The following NLRP11 variants were observed in gnomAD, a reference collection of about 807,000 sequenced individuals.
NLRP11 encodes the protein NLR family pyrin domain containing 11.
Under a neutral mutation model 79.3 loss-of-function variants are expected in NLRP11, and 53 were observed. That is an observed-to-expected ratio of 0.67 (90% CI 0.54 to 0.84). The LOEUF is 0.84. NLRP11 is among the 40% of genes least tolerant of loss of function. The pLI, the probability that NLRP11 is intolerant of heterozygous loss-of-function variation, is 0.00. For missense variants in NLRP11, 1,264 were observed against 1,255.0 expected, an observed-to-expected ratio of 1.01 and a Z score of -0.11; for synonymous variants, 518 against 462.6, an observed-to-expected ratio of 1.12 and a Z score of -1.54.
intron 7 of NLRP11, among the ~76,000 whole-genome samples, chr19:55,789,879 G>A (rs1040325200): frequency 3.9e-5 from 6 of 152,134 alleles, no homozygotes; most frequent in African/African-American, 7.2e-5. Context: ...ACGTACTCAC[G>A]ATTGTCCGTG....
chr19:55,809,514 G>C lies in NLRP11; in HGVS notation c.1096C>G (p.Pro366Ala). ...AGAAAGTGGGCATGTAGATCAGTGG[G>C]TGTTTGGCAGCAGAGCTGGAAGTCA... Residue 366 changes from proline (P) to alanine (A), a missense_variant, in exon 3 of 10, where the codon CCC (proline) becomes GCC (alanine). Physicochemically the swap from Pro to Ala is conservative, Grantham distance 27. Transcript: ENST00000589093. The surrounding 1 kb of genome is among the most constrained non-coding windows in gnomAD (Gnocchi z 4.5). 1 of 1,614,180 alleles carries C rather than the reference G, an allele frequency of 6.2e-7. No individual in the cohort carries two copies. Among genetic ancestry groups the C allele is most frequent in the South Asian group, 1.1e-5 (1 of 91,078 alleles).
intron 2 of NLRP11, among the ~76,000 whole-genome samples, chr19:55,815,548 A>G (rs1355613071): frequency 6.6e-6 from 1 of 150,966 alleles, no homozygotes; most frequent in Non-Finnish European, 1.5e-5. Context: ...AAAAAAAAGA[A>G]TTTAGCAATA....
At chr19:55,811,867 A>G (rs943698754) in intron 2 of NLRP11, among the ~76,000 whole-genome samples, 1 of 152,124 alleles carries the variant, frequency 6.6e-6, no homozygotes, top group Admixed American at 6.5e-5. Flanking sequence ...TACTTTGGAT[A>G]TTAGTTCCGT....
chr19:55,790,570 A>G (rs1990175376), intron 7 of NLRP11, among the ~76,000 whole-genome samples: 1 of 152,240 alleles, frequency 6.6e-6, no homozygotes, highest in Non-Finnish European at 1.5e-5. Flanking sequence ...CCAGCCACCT[A>G]GAGGAGTGCC....
At chr19:55,820,522 G>A (rs548019125) in intron 1 of NLRP11, among the ~76,000 whole-genome samples, 2 of 152,084 alleles carry the variant, frequency 1.3e-5, no homozygotes, top group Admixed American at 6.6e-5. Context: ...GGAGGAAAGG[G>A]GAAGCAATCG....
chr19:55,816,119 G>T (rs10412329), intron 2 of NLRP11, among the ~76,000 whole-genome samples: 15,717 of 152,164 alleles, frequency 0.1, 1,234 homozygotes, highest in African/African-American at 0.21. Flanking sequence ...GGAATTTGAG[G>T]ACCAAACTAC....
chr19:55,798,013 T>TTG (rs1222849423), intron 5 of NLRP11, among the ~76,000 whole-genome samples: 1 of 151,118 alleles, frequency 6.6e-6, no homozygotes, highest in African/African-American at 2.4e-5. Context: ...TTTTTTTTTT[T>TTG]GAGATGGAGT....
exon 4 of NLRP11, chr19:55,807,904 C>A: frequency 1.2e-6 from 2 of 1,613,000 alleles, no homozygotes; most frequent in African/African-American, 2.7e-5. Flanking sequence ...AGACAGAATC[C>A]TTTCTGAAAT....
chr19:55,813,719 T>C (rs1980823886), intron 2 of NLRP11, among the ~76,000 whole-genome samples: 1 of 151,944 alleles, frequency 6.6e-6, no homozygotes, highest in African/African-American at 2.4e-5. Context: ...GCAGGAAGGA[T>C]TTCTATTTTC....
intron 2 of NLRP11, among the ~76,000 whole-genome samples, chr19:55,812,089 A>G (rs745760389): frequency 3.9e-5 from 6 of 152,158 alleles, no homozygotes; most frequent in Admixed American, 6.6e-5. Flanking sequence ...ATTGTCCCAT[A>G]TAAGTATGCA....
In NLRP11 at chr19:55,788,980, G is replaced by A. The variant is rs759070135; in HGVS notation, c.2685-3C>T. On this transcript the variant is annotated splice_region_variant and splice_polypyrimidine_tract_variant and intron_variant, in intron 8 of 9. Transcript: ENST00000589093. Reference sequence around the variant, plus strand: ...TGGTTAACATGCACTCTTCTAGCCTGCAACGAAGATGCACAGGTAAGGTGG... The same window carrying A: ...TGGTTAACATGCACTCTTCTAGCCTACAACGAAGATGCACAGGTAAGGTGG... The A allele has an allele frequency of 4.3e-6, 7 of 1,613,654 alleles. No homozygotes were observed. Among genetic ancestry groups the A allele is most frequent in the Non-Finnish European group, 5.9e-6 (7 of 1,179,924 alleles).
chr19:55,818,080 C>T (rs749940136), exon 2 of NLRP11: 22 of 1,613,886 alleles, frequency 1.4e-5, no homozygotes, highest in South Asian at 3.3e-5. Flanking sequence ...AAGAATCTTG[C>T]GTGCCAGATA....
intron 6 of NLRP11, among the ~76,000 whole-genome samples, chr19:55,794,637 G>A (rs1230665192): frequency 6.6e-6 from 1 of 152,134 alleles, no homozygotes; most frequent in East Asian, 1.9e-4. Flanking sequence ...GCGGGTGCCT[G>A]TGGTCCCAGC....
Position 55,809,316 on chromosome 19 carries a change from C to T in NLRP11, c.1294G>A (p.Ala432Thr), listed in dbSNP as rs149228135. 1 of 1,613,988 alleles carries T rather than the reference C, an allele frequency of 6.2e-7. No individual in the cohort carries two copies. The highest frequency in any genetic ancestry group is 2.2e-5 in the East Asian group (1 of 44,876). Residue 432 changes from alanine (A) to threonine (T), a missense_variant, in exon 3 of 10, where the codon GCC becomes ACC. Ala to Thr is a moderately conservative substitution (Grantham distance 58). Transcript: ENST00000589093. This position sits in a 1 kb window ranked among gnomAD's most constrained non-coding sequence, Gnocchi z 4.5. The stretch of plus-strand genomic sequence containing the variant: ...TTGCTCGGCAAAAGAATATTCGCGG[C>T]CTGCAACACAGAGACATCAGCCTCA...
rs557521430 is a variant in NLRP11, at chr19:55,821,419, C to T, written c.-62-3183G>A. Reference sequence around the variant, plus strand: ...TGTCCCATGTGCCTCTTTGCTTTGCCGATTCTGCTTTGTAGCCCTCACTGT... The same window carrying T: ...TGTCCCATGTGCCTCTTTGCTTTGCTGATTCTGCTTTGTAGCCCTCACTGT... On this transcript the variant is annotated intron_variant, in intron 1 of 9. Coordinates refer to ENST00000589093, the Ensembl canonical transcript of NLRP11. Among the ~76,000 whole-genome samples the T allele has an allele frequency of 3.3e-5, 5 of 152,266 alleles. No homozygotes were observed. In the South Asian group the frequency reaches 1.0e-3, roughly 32 times the overall value.
At chr19:55,794,114 C>T (rs765607392) in intron 6 of NLRP11, among the ~76,000 whole-genome samples, 7 of 152,046 alleles carry the variant, frequency 4.6e-5, no homozygotes, top group Non-Finnish European at 1.0e-4. Flanking sequence ...GTATGAACTA[C>T]GAAAAACTCC....
rs1978824333 is a variant in NLRP11 at position 55,796,096 on chromosome 19, T to C, written c.2326A>G (p.Thr776Ala). ...CCAACTTACACCAGTGATATAAGAGTGCAGTTGGGATGAAGCAAGGCATCA... is the reference window on the plus strand; with the variant it reads ...CCAACTTACACCAGTGATATAAGAGCGCAGTTGGGATGAAGCAAGGCATCA... The change falls in exon 6 of 10, where the codon ACT becomes GCT. Residue 776 changes from threonine (T) to alanine (A), a missense_variant. By Grantham distance (58) the Thr-to-Ala change is moderately conservative. Transcript: ENST00000589093. 1 of 1,612,862 alleles carries C rather than the reference T, an allele frequency of 6.2e-7. No homozygotes were observed. The highest frequency in any genetic ancestry group is 8.5e-7 in the Non-Finnish European group (1 of 1,179,224).
Position 55,809,085 on chromosome 19 carries a change from T to C in NLRP11, c.1525A>G (p.Thr509Ala). 1.9e-6 allele frequency: 3 copies of C among 1,613,872 alleles called. No individual in the cohort carries two copies. The highest frequency in any genetic ancestry group is 2.5e-6 in the Non-Finnish European group (3 of 1,179,910). The change falls in exon 3 of 10, where the codon ACA becomes GCA. Residue 509 changes from threonine (T) to alanine (A), a missense_variant. Transcript: ENST00000589093. The surrounding 1 kb of genome is among the most constrained non-coding windows in gnomAD (Gnocchi z 4.5). Reference sequence around the variant, plus strand: ...ATCGGTAGCTGGTATCCAAAGGATGTCTCAAGAATCTTTCTCCTGTTTGCA... The same window carrying C: ...ATCGGTAGCTGGTATCCAAAGGATGCCTCAAGAATCTTTCTCCTGTTTGCA...
chr19:55,802,417 T>C (rs1979566225), intron 4 of NLRP11, among the ~76,000 whole-genome samples: 1 of 152,094 alleles, frequency 6.6e-6, no homozygotes, highest in Non-Finnish European at 1.5e-5. Flanking sequence ...TGTAATTCTA[T>C]CCACAATTGC....
Sources: allele counts gnomAD v4.1 joint callset (sites outside exome capture counted in the v4.1 genomes callset), GRCh38; gene constraint gnomAD v4.1.1; non-coding constraint Gnocchi (gnomAD v3.1); transcripts MANE v1.5; gene names NCBI Gene and HGNC (gene_info 2026-07-23, HGNC 2026-07-21).